Variants in CFAP54 observed in about 807,000 individuals in gnomAD.
CFAP54 encodes the protein cilia- and flagella-associated protein 54.
CFAP54 carries 290 observed loss-of-function variants against 370.4 expected under a neutral mutation model. The observed-to-expected ratio is 0.78, with a 90% confidence interval of 0.71 to 0.86. The LOEUF (loss-of-function observed/expected upper bound fraction) is 0.86, where lower values mean the gene tolerates loss of function less well. Ranked by LOEUF, CFAP54 falls within the 40% of genes least tolerant of loss-of-function variation. CFAP54 has a pLI of 0.00. For missense variants in CFAP54, 3,399 were observed against 3,528.7 expected (o/e 0.96, Z 0.93); for synonymous variants, 1,206 against 1,236.5 (o/e 0.98, Z 0.52).
At chr12:96,730,113 C>T (rs903050003) in intron 50 of CFAP54, among the ~76,000 whole-genome samples, 14 of 152,288 alleles carry the variant, frequency 9.2e-5, no homozygotes, top group Middle Eastern at 3.4e-3. Flanking sequence ...GACTAGCTGC[C>T]TGCCAGGGAC....
intron 17 of CFAP54, among the ~76,000 whole-genome samples, chr12:96,561,221 G>T (rs1208615569): frequency 6.6e-6 from 1 of 152,130 alleles, no homozygotes; most frequent in African/African-American, 2.4e-5. Context: ...CATAATGGGG[G>T]CAAGTCTTTC....
At chr12:96,640,827 A>G (rs1216897489) in intron 32 of CFAP54, among the ~76,000 whole-genome samples, 1 of 152,220 alleles carries the variant, frequency 6.6e-6, no homozygotes, top group Non-Finnish European at 1.5e-5. Context: ...CAATGGGGAA[A>G]GGATTCCCTA....
intron 32 of CFAP54, among the ~76,000 whole-genome samples, chr12:96,642,019 G>A (rs1432666665): frequency 1.3e-5 from 2 of 151,172 alleles, no homozygotes; most frequent in African/African-American, 4.9e-5. Context: ...CATGGCACAT[G>A]TATACATATG....
chr12:96,548,134 A>T (rs1183696394), intron 15 of CFAP54, among the ~76,000 whole-genome samples, 156 bp downstream of exon 15: 1 of 152,112 alleles, frequency 6.6e-6, no homozygotes, highest in African/African-American at 2.4e-5. Flanking sequence ...CTATAGGGAC[A>T]TTTTTCTACC....
chr12:96,677,116 C>G (rs561656338), intron 39 of CFAP54, among the ~76,000 whole-genome samples: 1 of 152,110 alleles, frequency 6.6e-6, no homozygotes, highest in African/African-American at 2.4e-5. Flanking sequence ...GATCCTCCCA[C>G]TTCAGCCTCC....
At chr12:96,686,674 C>T (rs990374441) in intron 42 of CFAP54, among the ~76,000 whole-genome samples, 1 of 152,126 alleles carries the variant, frequency 6.6e-6, no homozygotes. Context: ...GGCACTAAGC[C>T]ATTCATGAGG....
chr12:96,868,435 T>G (rs1960063812), intron 67 of CFAP54, among the ~76,000 whole-genome samples: 1 of 151,740 alleles, frequency 6.6e-6, no homozygotes, highest in Admixed American at 6.6e-5. Context: ...TTCATCTTTT[T>G]TTTTTTTTTT....
chr12:96,674,606 A>G (rs1957183259), intron 39 of CFAP54, among the ~76,000 whole-genome samples: 1 of 152,224 alleles, frequency 6.6e-6, no homozygotes, highest in South Asian at 2.1e-4. Context: ...GGGCTTGAAA[A>G]AAGGGGAGAA....
rs1955658052 is a variant in CFAP54, at chr12:96,547,951, G to A, written c.2127G>A (p.Gly709=). The A allele has an allele frequency of 2.7e-6, 4 of 1,491,026 alleles. No individual in the cohort carries two copies. Among genetic ancestry groups the A allele is most frequent in the Non-Finnish European group, 3.6e-6 (4 of 1,120,744 alleles). The allele number at this position is 1,491,026 out of a possible 1,614,324, so 92.4% of individuals were successfully genotyped here. The change falls in exon 15 of 68, where the codon GGG becomes GGA. Residue 709 remains glycine, a synonymous_variant. Coordinates refer to ENST00000524981, the MANE Select transcript of CFAP54 (RefSeq NM_001306084.2). ...ACAAATTCCCTGGAGCTCCAAAAGG[G>A]ATCACAGAAATTCTTCCAATATTAC... ...GTNKFPGAPK[G]ITEILPILQK...
intron 48 of CFAP54, among the ~76,000 whole-genome samples, chr12:96,715,688 T>A (rs892407873): frequency 1.3e-5 from 2 of 152,220 alleles, no homozygotes; most frequent in African/African-American, 4.8e-5. Context: ...TACTTCAAGG[T>A]AATTCAATCT....
rs561834215 is a variant in CFAP54, at chr12:96,524,427, C to T, written c.1158+2238C>T. ...TGCTGGCAGGTAGAAAGTAGGTCCT[C>T]AGTAAATATTAGCTATCATTGTTTA... On this transcript the variant is annotated intron_variant, in intron 8 of 67. Transcript: ENST00000524981. Among the ~76,000 whole-genome samples, 15 of 152,230 alleles carry T rather than the reference C, an allele frequency of 9.9e-5. No homozygotes were observed. In the East Asian group the frequency reaches 2.5e-3, roughly 25 times the overall value.
chr12:96,680,087 T>C (rs1478179501), intron 40 of CFAP54, among the ~76,000 whole-genome samples: 3 of 152,240 alleles, frequency 2.0e-5, no homozygotes, highest in Admixed American at 2.0e-4. Context: ...ACTTCATAAG[T>C]AGACGGATTG....
At chr12:96,595,738 G>A (rs916765554) in intron 25 of CFAP54, among the ~76,000 whole-genome samples, 3 of 152,072 alleles carry the variant, frequency 2.0e-5, no homozygotes, top group African/African-American at 7.2e-5. Flanking sequence ...TAAATAGATA[G>A]AGCATTTCTC....
chr12:96,732,372 T>G (rs1326048933), intron 50 of CFAP54, among the ~76,000 whole-genome samples: 1 of 152,060 alleles, frequency 6.6e-6, no homozygotes, highest in Admixed American at 6.5e-5. Context: ...CCTCAAGAGA[T>G]CCACCCGCCT....
intron 34 of CFAP54, 83 bp from the exon 35 acceptor site, chr12:96,649,808 C>A: frequency 1.2e-6 from 1 of 812,782 alleles, no homozygotes; most frequent in Non-Finnish European, 1.9e-6. Flanking sequence ...CTGAATTACT[C>A]ACTTGATCCT....
chr12:96,625,734 C>A lies in CFAP54; in HGVS notation c.3903C>A (p.Leu1301=), dbSNP rs1433327772. ...KLTKQYVTSE[L]SGGEDPIFLY... ...TAACCTTAGATGTTACATCTGAACT[C>A]TCAGGAGGAGAGGACCCTATATTTC... Residue 1301 remains leucine (L), a synonymous_variant, in exon 29 of 68, where the codon CTC becomes CTA. Coordinates refer to ENST00000524981, the MANE Select transcript of CFAP54 (RefSeq NM_001306084.2). 14 of 1,535,144 alleles carry A rather than the reference C, an allele frequency of 9.1e-6. No individual in the cohort carries two copies. The highest frequency in any genetic ancestry group is 1.2e-5 in the Non-Finnish European group (14 of 1,146,378).
chr12:96,492,494 G>A (rs1201013411), intron 1 of CFAP54, among the ~76,000 whole-genome samples: 1 of 152,108 alleles, frequency 6.6e-6, no homozygotes, highest in Non-Finnish European at 1.5e-5. Context: ...CCTTAGAGTG[G>A]CCTTTCCTAT....
At chr12:96,737,657 T>C (rs1957995084) in intron 50 of CFAP54, among the ~76,000 whole-genome samples, 2 of 151,826 alleles carry the variant, frequency 1.3e-5, no homozygotes, top group Admixed American at 1.3e-4. Context: ...ACCCAGCTAA[T>C]TTCTGTATTT....
intron 60 of CFAP54, among the ~76,000 whole-genome samples, chr12:96,777,339 CA>C (rs1412017078): frequency 6.6e-6 from 1 of 150,528 alleles, no homozygotes; most frequent in Non-Finnish European, 1.5e-5. Context: ...ACTGCTTCAT[CA>C]AGGATATTCT....
Sources: allele counts gnomAD v4.1 joint callset (sites outside exome capture counted in the v4.1 genomes callset), GRCh38; gene constraint gnomAD v4.1.1; transcripts MANE v1.5; gene names NCBI Gene and HGNC (gene_info 2026-07-23, HGNC 2026-07-21).